The following SYTL5 variants were observed in gnomAD, a reference collection of about 807,000 sequenced individuals.
SYTL5 encodes synaptotagmin-like protein 5.
A neutral mutation model predicts 55.9 loss-of-function variants in SYTL5; 34 were observed. The observed-to-expected ratio is 0.61, with a 90% CI of 0.46 to 0.81. The LOEUF is 0.81. Among genes scored for constraint, SYTL5 ranks in the 30% least tolerant of loss-of-function variants. SYTL5 has a pLI of 0.00. For missense variants in SYTL5, 637 were observed against 546.7 expected, an observed-to-expected ratio of 1.17 and a Z score of -1.65; for synonymous variants, 221 against 188.7, an observed-to-expected ratio of 1.17 and a Z score of -1.40.
At chrX:38,118,339 A>C (rs1324643607) in intron 13 of SYTL5, among the ~76,000 whole-genome samples, 1 of 110,648 alleles carries the variant, frequency 9.0e-6, no homozygotes, top group East Asian at 2.8e-4. Context: ...AGTATTTTTA[A>C]TTTTTTTTTA....
chrX:38,052,696 C>T (rs1054009394), intron 2 of SYTL5, among the ~76,000 whole-genome samples: 1 of 112,097 alleles, frequency 8.9e-6, no homozygotes, highest in Non-Finnish European at 1.9e-5. Context: ...TAAACTAAGG[C>T]CTTTGTTCCT....
chrX:37,892,119 A>G, the SYTL5 span, among the ~76,000 whole-genome samples: 1 of 111,333 alleles, frequency 9.0e-6, no homozygotes, highest in Non-Finnish European at 1.9e-5. Context: ...ATGAATAAAT[A>G]GGTCAACTAC....
chrX:38,003,529 G>A (rs1933911272), upstream of SYTL5, among the ~76,000 whole-genome samples: 1 of 111,245 alleles, frequency 9.0e-6, no homozygotes, highest in Admixed American at 9.5e-5. Context: ...GGGACGTGAA[G>A]GACCTCTTCA....
the SYTL5 span, chrX:37,991,064 T>C: frequency 2.0e-5 from 24 of 1,209,471 alleles, no homozygotes; most frequent in Non-Finnish European, 2.5e-5. Context: ...CCAGCAACAA[T>C]GGCAGTATGC....
chrX:38,081,279 A>C (rs1265362742), intron 6 of SYTL5, among the ~76,000 whole-genome samples: 1 of 111,855 alleles, frequency 8.9e-6, no homozygotes, highest in African/African-American at 3.2e-5. Context: ...GCAATTCGCA[A>C]AACCATGGTG....
chrX:38,022,251 A>C (rs1444997906), intron 1 of SYTL5, among the ~76,000 whole-genome samples: 3 of 112,448 alleles, frequency 2.7e-5, no homozygotes, highest in Admixed American at 9.5e-5. Flanking sequence ...ATCCCAACTG[A>C]TACAGTGTTA....
At chrX:38,118,006 G>A (rs1326438843) in intron 13 of SYTL5, among the ~76,000 whole-genome samples, 2 of 110,885 alleles carry the variant, frequency 1.8e-5, no homozygotes, top group South Asian at 3.8e-4. Flanking sequence ...CATTGATGAC[G>A]GTACCAAAAA....
At chrX:38,012,619 C>G (rs1259562174) in intron 1 of SYTL5, among the ~76,000 whole-genome samples, 1 of 112,089 alleles carries the variant, frequency 8.9e-6, no homozygotes, top group Non-Finnish European at 1.9e-5. Context: ...GTGATCATAT[C>G]AAACAGGTTT....
chrX:37,962,366 T>A, the SYTL5 span, among the ~76,000 whole-genome samples: 64 of 111,253 alleles, frequency 5.8e-4, 1 homozygote, highest in Admixed American at 5.3e-3. Context: ...AGAATGATGG[T>A]TTCCAACTTC....
the SYTL5 span, among the ~76,000 whole-genome samples, chrX:37,897,292 G>A: frequency 0.015 from 1,649 of 109,878 alleles, 30 homozygotes; most frequent in African/African-American, 0.052. Context: ...AGACCAGCCT[G>A]GCCAATATGG....
the SYTL5 span, among the ~76,000 whole-genome samples, chrX:37,897,954 T>A: frequency 9.0e-6 from 1 of 111,104 alleles, no homozygotes; most frequent in Non-Finnish European, 1.9e-5. Flanking sequence ...AAAAATCAAC[T>A]GTGTGTGGAG....
Position 38,076,588 on chromosome X carries a change from A to G in SYTL5, c.576A>G (p.Arg192=), listed in dbSNP as rs1291201143. The G allele has an allele frequency of 1.7e-6, 2 of 1,203,540 alleles. No individual in the cohort carries two copies. The highest frequency in any genetic ancestry group is 2.2e-6 in the Non-Finnish European group (2 of 890,114). ...TCAGATTTCTTCTTAGCAAGTTCAG[A>G]TCGGCAACCAGAGGAGAAATCATAA... is the stretch of plus-strand genomic sequence containing the variant. ...KRKGFLLSKF[R]SATRGEIITP... The change falls in exon 6 of 17, where the codon AGA becomes AGG. Residue 192 remains arginine (R), a synonymous_variant. Transcript: ENST00000297875.
intron 2 of SYTL5, among the ~76,000 whole-genome samples, chrX:38,051,288 A>G (rs1318750597): frequency 1.8e-5 from 2 of 110,887 alleles, no homozygotes; most frequent in African/African-American, 6.6e-5. Context: ...AAGGAAAACT[A>G]CTGGTTGGTT....
intron 8 of SYTL5, 68 bp from the exon 9 acceptor site, chrX:38,096,066 A>T (rs1936929080): frequency 1.8e-6 from 1 of 543,739 alleles, no homozygotes; most frequent in African/African-American, 2.3e-5. Context: ...AAACACTTGG[A>T]ATAAAAAATG....
intron 2 of SYTL5, among the ~76,000 whole-genome samples, chrX:38,043,448 A>G (rs1480819153): frequency 9.4e-6 from 1 of 106,400 alleles, no homozygotes; most frequent in Admixed American, 1.0e-4. Flanking sequence ...TTACATATAC[A>G]TACTGTATAA....
At chrX:38,101,681 G>GTA (rs201746316) in intron 9 of SYTL5, among the ~76,000 whole-genome samples, 2 of 109,650 alleles carry the variant, frequency 1.8e-5, no homozygotes, top group East Asian at 2.8e-4. Flanking sequence ...ATGTGTGTGT[G>GTA]TATATATATA....
intron 13 of SYTL5, among the ~76,000 whole-genome samples, chrX:38,112,689 C>G (rs1205260076): frequency 8.9e-6 from 1 of 112,042 alleles, no homozygotes; most frequent in East Asian, 2.8e-4. Flanking sequence ...CTATCATGCT[C>G]TATATGCTGC....
rs1395807523 is a variant in SYTL5, at chrX:38,110,397, A to C, written c.1511A>C (p.Asn504Thr). ...TGGCACTATGATCGATTTGGACGTA[A>C]TAGCTTCCTCGGGGAAGTAGAGATT... ...SVWHYDRFGR[N>T]SFLGEVEIPF... The change falls in exon 13 of 17, where the codon AAT becomes ACT. Residue 504 changes from asparagine to threonine, a missense_variant. Physicochemically the swap from Asn to Thr is moderately conservative, Grantham distance 65. Transcript: ENST00000297875. 2 of 1,209,322 alleles carry C rather than the reference A, an allele frequency of 1.7e-6. No homozygotes were observed. The highest frequency in any genetic ancestry group is 2.2e-6 in the Non-Finnish European group (2 of 893,812).
chrX:37,889,247 T>A, the SYTL5 span, among the ~76,000 whole-genome samples: 1 of 112,208 alleles, frequency 8.9e-6, no homozygotes, highest in Non-Finnish European at 1.9e-5. Context: ...CTGTGGAAAG[T>A]TGAGATATCA....
Sources: gnomAD v4.1 joint callset for allele counts (sites outside exome capture counted in the v4.1 genomes callset) on GRCh38, gnomAD v4.1.1 for gene constraint, MANE v1.5 for transcripts, NCBI Gene and HGNC (gene_info 2026-07-23, HGNC 2026-07-21) for gene names.